The following CTNNA3 variants were observed in gnomAD, a reference collection of about 807,000 sequenced individuals.
CTNNA3 encodes catenin alpha 3, also known as catenin alpha-3.
A neutral mutation model predicts 95.7 loss-of-function variants in CTNNA3; 76 were observed. The observed-to-expected ratio is 0.79, with a 90% CI of 0.66 to 0.96. CTNNA3 has a LOEUF of 0.96. Ranked by LOEUF, CTNNA3 falls within the 40% of genes least tolerant of loss-of-function variation. The probability of loss-of-function intolerance (pLI) is 0.00; values close to 1 mark genes in which losing one functional copy is unlikely to be tolerated. For synonymous variants in CTNNA3, 431 were observed against 374.4 expected (o/e 1.15, Z -1.74); for missense variants, 1,191 against 1,089.8 (o/e 1.09, Z -1.31).
intron 7 of CTNNA3, among the ~76,000 whole-genome samples, chr10:67,107,581 T>C (rs1306838139): frequency 6.6e-6 from 1 of 152,270 alleles, no homozygotes; most frequent in Admixed American, 6.5e-5. Flanking sequence ...TCAACCTTTT[T>C]AGTCTTTATG....
intron 9 of CTNNA3, among the ~76,000 whole-genome samples, chr10:66,629,150 T>C (rs1564579153): frequency 6.6e-6 from 1 of 152,016 alleles, no homozygotes; most frequent in Non-Finnish European, 1.5e-5. Context: ...AGAGGTCAAG[T>C]AAGTTATCCC....
At chr10:67,467,390 T>A (rs1226145911) in intron 5 of CTNNA3, among the ~76,000 whole-genome samples, 1 of 152,190 alleles carries the variant, frequency 6.6e-6, no homozygotes, top group African/African-American at 2.4e-5. Context: ...TAAGTTTGGA[T>A]GATCTTAGTC....
intron 1 of CTNNA3, among the ~76,000 whole-genome samples, chr10:67,728,081 T>TATG (rs1564841925): frequency 6.3e-5 from 9 of 142,566 alleles, no homozygotes; most frequent in African/African-American, 1.5e-4. Context: ...ATATTATATA[T>TATG]TATATAATAT....
chr10:66,930,725 AATATG>A (rs531270602), intron 7 of CTNNA3, among the ~76,000 whole-genome samples: 14 of 152,310 alleles, frequency 9.2e-5, no homozygotes, highest in African/African-American at 1.4e-4. Flanking sequence ...TGGAATATAA[AATATG>A]ATATAACACT....
intron 15 of CTNNA3, among the ~76,000 whole-genome samples, chr10:65,999,133 A>G (rs1020169972): frequency 1.3e-5 from 2 of 152,144 alleles, no homozygotes; most frequent in Non-Finnish European, 2.9e-5. Context: ...CTCTTATCAA[A>G]TTTACACATC....
At chr10:66,598,264 C>T (rs553107995) in intron 10 of CTNNA3, among the ~76,000 whole-genome samples, 42 of 152,074 alleles carry the variant, frequency 2.8e-4, no homozygotes, top group African/African-American at 9.6e-4. Flanking sequence ...TATACCTCAA[C>T]ACAGTAAAGT....
chr10:66,466,337 T>TACAC (rs1838911491), intron 11 of CTNNA3, among the ~76,000 whole-genome samples: 1 of 74,636 alleles, frequency 1.3e-5, no homozygotes, highest in Admixed American at 1.6e-4. Flanking sequence ...CGCACCCACC[T>TACAC]ATACACACAC....
At position 66,146,592 on chromosome 10, in the gene CTNNA3, C is replaced by T. The variant is rs546521444; in HGVS notation, c.1885-43343G>A. On this transcript the variant is annotated intron_variant, in intron 13 of 17. Coordinates refer to ENST00000433211, the MANE Select transcript of CTNNA3 (RefSeq NM_013266.4). ...GTTTTTTGAGCCACAGTTTCACTCT[C>T]GTAACTCAGGCTGCAATGCAGTGGC... Among the ~76,000 whole-genome samples the T allele has an allele frequency of 9.2e-5, 14 of 152,224 alleles. No individual in the cohort carries two copies. The South Asian group carries it at 1.2e-3, about 14-fold the overall frequency.
chr10:67,276,659 G>A (rs1242979539), intron 5 of CTNNA3, among the ~76,000 whole-genome samples: 3 of 151,982 alleles, frequency 2.0e-5, no homozygotes, highest in Admixed American at 6.6e-5. Flanking sequence ...TACATTTGCC[G>A]ATGAAATGAC....
chr10:66,256,302 A>C (rs2090770103), intron 13 of CTNNA3, among the ~76,000 whole-genome samples: 1 of 152,198 alleles, frequency 6.6e-6, no homozygotes, highest in Non-Finnish European at 1.5e-5. Context: ...TACACTTTCT[A>C]AGTCAGGCAT....
chr10:67,219,930 T>A lies in CTNNA3; in HGVS notation c.580-60A>T, dbSNP rs1429551160. 2.3e-6 allele frequency: 3 copies of A among 1,328,052 alleles called. No homozygotes were observed. In the African/African-American group the frequency reaches 4.4e-5, roughly 20 times the overall value. 82.3% of individuals were successfully genotyped at this position (1,328,052 alleles called of 1,614,324 possible). A position where few individuals can be genotyped will look rare whatever the true frequency, so the allele number is the denominator to read the frequency against. On this transcript the variant is annotated intron_variant, in intron 5 of 17. Coordinates refer to ENST00000433211, the MANE Select transcript of CTNNA3 (RefSeq NM_013266.4). ...ATGGGTTATGGGAGAAAGACTTAAATTAAAAAGCTTCTTTTTTTGTAAGTA... is the reference window on the plus strand; with the variant it reads ...ATGGGTTATGGGAGAAAGACTTAAAATAAAAAGCTTCTTTTTTTGTAAGTA...
In CTNNA3 at chr10:66,059,534, CCTAA is replaced by C. The variant is rs577521746; in HGVS notation, c.2159+9770_2159+9773del. 3.7e-3 allele frequency among the ~76,000 whole-genome samples: 566 copies of C among 152,196 alleles called. 1 individual carries two copies. Among genetic ancestry groups the C allele is most frequent in the Non-Finnish European group, 6.2e-3 (419 of 67,982 alleles). On this transcript the variant is annotated intron_variant, in intron 15 of 17. Coordinates refer to ENST00000433211, the MANE Select transcript of CTNNA3 (RefSeq NM_013266.4). The stretch of plus-strand genomic sequence containing the variant: ...GAATTTCTGCACCAGCTCGTCTGCT[CCTAA>C]CTGTTATCTTTCCTTTATATCTTTT...
chr10:67,019,507 C>T (rs1852863570), intron 7 of CTNNA3, among the ~76,000 whole-genome samples: 2 of 152,166 alleles, frequency 1.3e-5, no homozygotes, highest in South Asian at 2.1e-4. Flanking sequence ...CATGAGCCAC[C>T]GTACCTGGTT....
chr10:65,965,529 T>C (rs1178276129), intron 17 of CTNNA3, among the ~76,000 whole-genome samples: 6 of 150,828 alleles, frequency 4.0e-5, no homozygotes, highest in African/African-American at 1.5e-4. Context: ...CTCAGACTAC[T>C]GAGTAGCTGA....
intron 5 of CTNNA3, among the ~76,000 whole-genome samples, chr10:67,417,283 T>C (rs1448842361): frequency 6.6e-6 from 1 of 151,962 alleles, no homozygotes; most frequent in Non-Finnish European, 1.5e-5. Context: ...AAATAGACAT[T>C]GTGGACTCCA....
At chr10:66,913,386 T>C (rs1410533369) in intron 7 of CTNNA3, among the ~76,000 whole-genome samples, 1 of 151,660 alleles carries the variant, frequency 6.6e-6, no homozygotes, top group Admixed American at 6.6e-5. Flanking sequence ...GATCTTCAGC[T>C]CCCATTTTCA....
chr10:66,581,118 C>T (rs1843172229), intron 10 of CTNNA3, among the ~76,000 whole-genome samples: 1 of 151,624 alleles, frequency 6.6e-6, no homozygotes, highest in Admixed American at 6.6e-5. Context: ...TGATAACATA[C>T]ATCACATTTT....
chr10:67,550,574 T>C (rs1840987909), intron 3 of CTNNA3, among the ~76,000 whole-genome samples: 1 of 151,534 alleles, frequency 6.6e-6, no homozygotes. Context: ...ATTTAAAGAA[T>C]AAAGAAATTC....
intron 7 of CTNNA3, among the ~76,000 whole-genome samples, chr10:66,893,705 T>A (rs142149180): frequency 6.6e-6 from 1 of 152,298 alleles, no homozygotes; most frequent in African/African-American, 2.4e-5. Context: ...AAACCTAATG[T>A]ACTCAAATTC....
Sources: allele counts gnomAD v4.1 joint callset (sites outside exome capture counted in the v4.1 genomes callset), GRCh38; gene constraint gnomAD v4.1.1; transcripts MANE v1.5; gene names NCBI Gene and HGNC (gene_info 2026-07-23, HGNC 2026-07-21).